STARD3NL: variants seen among roughly 807,000 people sequenced by gnomAD.
The protein encoded by STARD3NL is STARD3 N-terminal-like protein.
A neutral mutation model predicts 30.9 loss-of-function variants in STARD3NL; 17 were observed. The observed-to-expected ratio is 0.55, with a 90% CI of 0.38 to 0.82. The LOEUF is 0.82. Ranked by LOEUF, STARD3NL falls within the 40% of genes least tolerant of loss-of-function variation. The probability of loss-of-function intolerance (pLI) is 0.00; values close to 1 mark genes in which losing one functional copy is unlikely to be tolerated. For missense variants in STARD3NL, 234 were observed against 277.6 expected, an observed-to-expected ratio of 0.84 and a Z score of 1.12; for synonymous variants, 112 against 100.5, an observed-to-expected ratio of 1.11 and a Z score of -0.69.
intron 1 of STARD3NL, among the ~76,000 whole-genome samples, chr7:38,183,828 A>T (rs1337879963): frequency 3.3e-5 from 5 of 152,228 alleles, no homozygotes; most frequent in Non-Finnish European, 5.9e-5. Flanking sequence ...GAACCCATGT[A>T]TGCAGGTGGT....
At chr7:38,187,124 C>T (rs1391755967) in intron 1 of STARD3NL, among the ~76,000 whole-genome samples, 1 of 152,168 alleles carries the variant, frequency 6.6e-6, no homozygotes, top group Non-Finnish European at 1.5e-5. Context: ...CCAGCTCCAA[C>T]ATGCCAGCTG....
intron 4 of STARD3NL, 117 bp from the exon 5 acceptor site, chr7:38,216,908 G>T: frequency 1.6e-6 from 2 of 1,224,096 alleles, no homozygotes; most frequent in Non-Finnish European, 2.3e-6. Flanking sequence ...GCCAGGCTAG[G>T]CACAGGTTTT....
chr7:38,226,564 A>C lies in STARD3NL; in HGVS notation c.650-2235A>C, dbSNP rs559085398. On this transcript the variant is annotated intron_variant, in intron 7 of 8. Transcript: ENST00000009041. ...TTCAGGCCATTTTCAAGTCCTCCCC[A>C]GCTTTTACTTTCTGCTAAGTCCTTT... Among the ~76,000 whole-genome samples the C allele has an allele frequency of 2.1e-4, 32 of 152,268 alleles. No homozygotes were observed. The South Asian group carries it at 5.8e-3, about 28-fold the overall frequency.
At chr7:38,195,498 C>T (rs889180049) in intron 1 of STARD3NL, among the ~76,000 whole-genome samples, 6 of 152,208 alleles carry the variant, frequency 3.9e-5, no homozygotes, top group Non-Finnish European at 7.3e-5. Flanking sequence ...TGAACCTCCT[C>T]TGACTTTTAT....
intron 6 of STARD3NL, among the ~76,000 whole-genome samples, chr7:38,217,811 TA>T (rs1786211273): frequency 6.6e-6 from 1 of 152,156 alleles, no homozygotes; most frequent in African/African-American, 2.4e-5. Context: ...GGGCCTCTGT[TA>T]GAACAGTTAA....
At chr7:38,221,790 C>T (rs1016421718) in intron 7 of STARD3NL, among the ~76,000 whole-genome samples, 1 of 152,216 alleles carries the variant, frequency 6.6e-6, no homozygotes, top group African/African-American at 2.4e-5. Context: ...TAGCTTCTCA[C>T]CTTGTGACTG....
intron 7 of STARD3NL, among the ~76,000 whole-genome samples, chr7:38,220,092 T>G (rs530469353): frequency 6.6e-6 from 1 of 152,248 alleles, no homozygotes; most frequent in South Asian, 2.1e-4. Flanking sequence ...ACAAAGCTGT[T>G]TCCATCCTCT....
intron 1 of STARD3NL, among the ~76,000 whole-genome samples, chr7:38,192,602 G>A (rs1784732004): frequency 6.6e-6 from 1 of 152,124 alleles, no homozygotes. Context: ...TGGAGAAGTA[G>A]GCCAGTGTTA....
intron 1 of STARD3NL, among the ~76,000 whole-genome samples, chr7:38,194,658 G>A (rs1784829170): frequency 6.6e-6 from 1 of 151,790 alleles, no homozygotes. Context: ...TTATCTCAAT[G>A]TTATTTTAGT....
At chr7:38,187,580 C>T (rs999580989) in intron 1 of STARD3NL, among the ~76,000 whole-genome samples, 1 of 152,150 alleles carries the variant, frequency 6.6e-6, no homozygotes, top group African/African-American at 2.4e-5. Flanking sequence ...AGTGGACTTA[C>T]ATAGGGCCCA....
intron 2 of STARD3NL, among the ~76,000 whole-genome samples, chr7:38,209,288 T>A (rs188527844): frequency 1.2e-3 from 187 of 152,238 alleles, no homozygotes; most frequent in African/African-American, 4.3e-3. Flanking sequence ...TGCGTCTTTT[T>A]TTTTTTCTTT....
intron 1 of STARD3NL, among the ~76,000 whole-genome samples, chr7:38,184,673 T>C (rs1401171391): frequency 6.9e-6 from 1 of 145,004 alleles, no homozygotes; most frequent in Non-Finnish European, 1.5e-5. Flanking sequence ...TAATATATAC[T>C]ATATATATAA....
intron 7 of STARD3NL, among the ~76,000 whole-genome samples, chr7:38,223,790 CT>C (rs1484548702): frequency 6.6e-6 from 1 of 151,990 alleles, no homozygotes; most frequent in Non-Finnish European, 1.5e-5. Context: ...ATTATATTGA[CT>C]TTTTAAAAAA....
chr7:38,210,326 G>A (rs1282458102), intron 2 of STARD3NL, among the ~76,000 whole-genome samples: 1 of 152,190 alleles, frequency 6.6e-6, no homozygotes, highest in Non-Finnish European at 1.5e-5. Context: ...ATGTCATAAA[G>A]GGTGCTTAGA....
chr7:38,204,239 A>G (rs1785330752), intron 1 of STARD3NL, among the ~76,000 whole-genome samples: 1 of 152,214 alleles, frequency 6.6e-6, no homozygotes, highest in South Asian at 2.1e-4. Context: ...TTGGAAGTAA[A>G]GCACTCCTCA....
intron 1 of STARD3NL, among the ~76,000 whole-genome samples, chr7:38,197,016 G>T (rs779628355): frequency 6.6e-6 from 1 of 152,106 alleles, no homozygotes; most frequent in African/African-American, 2.4e-5. Flanking sequence ...GTAGAGCTTC[G>T]TGGTGAAGCT....
intron 7 of STARD3NL, among the ~76,000 whole-genome samples, chr7:38,220,678 A>G (rs1233036042): frequency 6.6e-6 from 1 of 152,250 alleles, no homozygotes; most frequent in African/African-American, 2.4e-5. Context: ...ACCACAGCAG[A>G]TATGTGTATA....
intron 7 of STARD3NL, among the ~76,000 whole-genome samples, chr7:38,227,004 T>C (rs183076348): frequency 2.0e-5 from 3 of 152,350 alleles, no homozygotes; most frequent in South Asian, 4.1e-4. Flanking sequence ...CCAGTTGTTG[T>C]GTGCTTTTGG....
At chr7:38,218,519 C>A (rs1467972585) in intron 6 of STARD3NL, among the ~76,000 whole-genome samples, 1 of 152,104 alleles carries the variant, frequency 6.6e-6, no homozygotes, top group Non-Finnish European at 1.5e-5. Flanking sequence ...TTGTTGAAAA[C>A]ATATGAACTA....
Sources: gnomAD v4.1 joint callset for allele counts (sites outside exome capture counted in the v4.1 genomes callset) on GRCh38, gnomAD v4.1.1 for gene constraint, MANE v1.5 for transcripts, NCBI Gene and HGNC (gene_info 2026-07-23, HGNC 2026-07-21) for gene names.